The following ZNF268 variants were observed in gnomAD, a reference collection of about 807,000 sequenced individuals.
ZNF268 encodes the protein zinc finger protein 268.
In ZNF268, 20 loss-of-function variants were observed where a neutral mutation model predicts 29.3. The ratio of observed to expected loss-of-function variants is 0.68; its 90% confidence interval spans 0.48 to 0.99. The LOEUF is 0.99. ZNF268 is among the 50% of genes least tolerant of loss of function. The probability of loss-of-function intolerance (pLI) is 0.00; values close to 1 mark genes in which losing one functional copy is unlikely to be tolerated. For synonymous variants in ZNF268, 429 were observed against 376.9 expected (o/e 1.14, Z -1.60); for missense variants, 1,240 against 1,121.6 (o/e 1.11, Z -1.51).
At position 133,206,724 on chromosome 12, in the gene ZNF268, A is replaced by T. The variant is rs1328718887; in HGVS notation, c.*2194A>T. 6.6e-6 allele frequency: 1 copy of T among 152,230 alleles called. No individual in the cohort carries two copies. Among genetic ancestry groups the T allele is most frequent in the Non-Finnish European group, 1.5e-5 (1 of 68,040 alleles). The allele number at this position is 152,230 out of a possible 1,614,324, so 9.4% of individuals were successfully genotyped here. ...TGATACCTGAATGCCTAACTGTTGT[A>T]TTCTGCTTATACAGAATCCAATCTC... On this transcript the variant is annotated 3_prime_UTR_variant, in exon 6 of 6. Transcript: ENST00000536435.
chr12:133,191,420 C>G, intron 3 of ZNF268, 69 bp from the exon 4 acceptor site: 1 of 1,592,000 alleles, frequency 6.3e-7, no homozygotes, highest in Non-Finnish European at 8.6e-7. Context: ...ATAATGGACA[C>G]CCTAAACAGC....
Position 133,204,374 on chromosome 12 carries a change from A to T in ZNF268, c.2688A>T (p.Glu896Asp), listed in dbSNP as rs771733109. Reference sequence around the variant, plus strand: ...GAGAGAAACCCTATGGGTGCAATGAATGTGGGAAAACCTTCTCTCAAAAAT... The same window carrying T: ...GAGAGAAACCCTATGGGTGCAATGATTGTGGGAAAACCTTCTCTCAAAAAT... ...HSGEKPYGCNECGKTFSQKSI... is the reference protein window; with the variant it reads ...HSGEKPYGCNDCGKTFSQKSI... Residue 896 changes from glutamate (E) to aspartate (D), a missense_variant, in exon 6 of 6, where the codon GAA becomes GAT. Transcript: ENST00000536435. The T allele has an allele frequency of 6.4e-7, 1 of 1,571,828 alleles. No individual in the cohort carries two copies. The highest frequency in any genetic ancestry group is 2.3e-5 in the East Asian group (1 of 43,188).
intron 5 of ZNF268, among the ~76,000 whole-genome samples, chr12:133,194,535 G>T (rs1380267416): frequency 6.6e-6 from 1 of 152,142 alleles, no homozygotes; most frequent in Non-Finnish European, 1.5e-5. Flanking sequence ...ACACGAGTCT[G>T]TCAGACAGGA....
rs1443228969 is a variant in ZNF268, at chr12:133,187,980, A to G, written c.142A>G (p.Thr48Ala). 1 of 1,598,836 alleles carries G rather than the reference A, an allele frequency of 6.3e-7. No homozygotes were observed. Among genetic ancestry groups the G allele is most frequent in the African/African-American group, 1.3e-5 (1 of 74,672 alleles). The change falls in exon 3 of 6, where the codon ACA becomes GCA. Residue 48 changes from threonine (T) to alanine (A), a missense_variant. Coordinates refer to ENST00000536435, the MANE Select transcript of ZNF268 (RefSeq NM_003415.3). ...GTPGLQPLPGTPRQKQKSRRI... is the reference protein window; with the variant it reads ...GTPGLQPLPGAPRQKQKSRRI... ...TCCTGGTCTGCAACCTCTCCCTGGA[A>G]CACCCAGGCAGAAGCAGAAGAGTCG...
At chr12:133,192,106 A>AT in intron 5 of ZNF268, 103 bp downstream of exon 5, 2 of 768,946 alleles carry the variant, frequency 2.6e-6, no homozygotes, top group South Asian at 5.2e-5. Flanking sequence ...ATTACCATGC[A>AT]CTTTTTTTTT....
At chr12:133,186,411 C>G (rs529724881) in intron 2 of ZNF268, among the ~76,000 whole-genome samples, 1 of 148,046 alleles carries the variant, frequency 6.8e-6, no homozygotes, top group African/African-American at 2.5e-5. Flanking sequence ...GAGATGGAGT[C>G]TCACTCTGTT....
rs4031 is a variant in ZNF268 at position 133,205,019 on chromosome 12, A to G, written c.*489A>G. On this transcript the variant is annotated 3_prime_UTR_variant, in exon 6 of 6. Transcript: ENST00000536435. ...ATATACCTTGGAGGGACCATGCTAT[A>G]AGGGAAAGTGTAAATCTAGAAATGA... 99,249 of 151,548 alleles carry G rather than the reference A, an allele frequency of 0.65. 32,952 individuals carry two copies. Among genetic ancestry groups the G allele is most frequent in the East Asian group, 0.91 (4,722 of 5,174 alleles). 9.4% of individuals were successfully genotyped at this position (151,548 alleles called of 1,614,324 possible).
At chr12:133,193,910 T>G (rs1038753350) in intron 5 of ZNF268, among the ~76,000 whole-genome samples, 8 of 152,196 alleles carry the variant, frequency 5.3e-5, no homozygotes, top group African/African-American at 1.9e-4. Flanking sequence ...CTTTCTTCTC[T>G]TTGTTTATCC....
rs545775265 is a variant in ZNF268, at chr12:133,212,065, G to C, written c.*7535G>C. Reference sequence around the variant, plus strand: ...CAAGAGCAAGCTCTGAGGCCATGCAGGACATGGATGAATCTGATAGGCATA... The same window carrying C: ...CAAGAGCAAGCTCTGAGGCCATGCACGACATGGATGAATCTGATAGGCATA... On this transcript the variant is annotated 3_prime_UTR_variant, in exon 6 of 6. Coordinates refer to ENST00000536435, the MANE Select transcript of ZNF268 (RefSeq NM_003415.3). 1 of 152,304 alleles carries C rather than the reference G, an allele frequency of 6.6e-6. No homozygotes were observed. Among genetic ancestry groups the C allele is most frequent in the African/African-American group, 2.4e-5 (1 of 41,564 alleles). The allele number at this position is 152,304 out of a possible 1,614,324, so 9.4% of individuals were successfully genotyped here.
chr12:133,181,991 C>G lies in ZNF268; in HGVS notation c.-7C>G. ...TTCCAGCGAGGCACACAAAACTGAC[C>G]GTAGGGATGGCCACCAGGGTCCGGA... On this transcript the variant is annotated 5_prime_UTR_variant, in exon 2 of 6. Transcript: ENST00000536435. 1 of 1,564,692 alleles carries G rather than the reference C, an allele frequency of 6.4e-7. No individual in the cohort carries two copies. Among genetic ancestry groups the G allele is most frequent in the Non-Finnish European group, 8.7e-7 (1 of 1,154,294 alleles).
Position 133,191,519 on chromosome 12 carries a change from G to A in ZNF268, c.265G>A (p.Asp89Asn). Reference protein sequence around the residue: ...GPLSFMDVFVDFTWEEWQLLD... With the variant: ...GPLSFMDVFVNFTWEEWQLLD... ...TTTGTCATTCATGGATGTGTTTGTG[G>A]ATTTTACCTGGGAGGAGTGGCAGCT... Residue 89 changes from aspartate to asparagine, a missense_variant, in exon 4 of 6, where the codon GAT becomes AAT. By Grantham distance (23) the Asp-to-Asn change is conservative. This residue lies in a region of ZNF268 where 1,177 missense variants were observed against 1,039.6 expected (regional missense o/e 1.13). Transcript: ENST00000536435. The A allele has an allele frequency of 6.2e-7, 1 of 1,614,020 alleles. No individual in the cohort carries two copies. Among genetic ancestry groups the A allele is most frequent in the Non-Finnish European group, 8.5e-7 (1 of 1,179,954 alleles).
intron 5 of ZNF268, among the ~76,000 whole-genome samples, chr12:133,194,778 C>T (rs933516335): frequency 6.6e-6 from 1 of 152,214 alleles, no homozygotes; most frequent in African/African-American, 2.4e-5. Flanking sequence ...TTACTGCCAG[C>T]CAGGAACAGG....
intron 5 of ZNF268, among the ~76,000 whole-genome samples, chr12:133,196,357 C>T (rs905140850): frequency 6.8e-6 from 1 of 146,744 alleles, no homozygotes; most frequent in African/African-American, 2.5e-5. Context: ...CTTTTAGTTA[C>T]TGGGTTTGGT....
chr12:133,203,516 A>G lies in ZNF268; in HGVS notation c.1830A>G (p.Lys610=). ...ACCAGAGAACTCATACAGGGGAGAAACCATTTGAATGTAGTGAGTGTCAGA... is the reference window on the plus strand; with the variant it reads ...ACCAGAGAACTCATACAGGGGAGAAGCCATTTGAATGTAGTGAGTGTCAGA... ...IIHQRTHTGE[K]PFECSECQKA... The change falls in exon 6 of 6, where the codon AAA becomes AAG. Residue 610 remains lysine (K), a synonymous_variant. Transcript: ENST00000536435. 6.5e-7 allele frequency: 1 copy of G among 1,546,662 alleles called. No homozygotes were observed. Among genetic ancestry groups the G allele is most frequent in the Admixed American group, 2.0e-5 (1 of 51,212 alleles).
In ZNF268 at chr12:133,203,575, A is replaced by G. The variant is rs749926907; in HGVS notation, c.1889A>G (p.His630Arg). Residue 630 changes from histidine to arginine, a missense_variant, in exon 6 of 6, where the codon CAT becomes CGT. By Grantham distance (29) the His-to-Arg change is conservative (BLOSUM62 0). Coordinates refer to ENST00000536435, the MANE Select transcript of ZNF268 (RefSeq NM_003415.3). ...AATACAAAGTCAAACCTGATTGTAC[A>G]TCAGAGAACTCATACAGGAGAGAAA... ...AFNTKSNLIVHQRTHTGEKPY... is the reference protein window; with the variant it reads ...AFNTKSNLIVRQRTHTGEKPY... 5 of 1,566,984 alleles carry G rather than the reference A, an allele frequency of 3.2e-6. No homozygotes were observed. Among genetic ancestry groups the G allele is most frequent in the Non-Finnish European group, 3.5e-6 (4 of 1,159,352 alleles).
At chr12:133,199,944 G>T (rs1157406398) in intron 5 of ZNF268, among the ~76,000 whole-genome samples, 3 of 152,052 alleles carry the variant, frequency 2.0e-5, no homozygotes. Context: ...CTTGCTAGCG[G>T]TCTATCAATT....
In ZNF268 at chr12:133,203,905, T is replaced by C. The variant is rs1211173364; in HGVS notation, c.2219T>C (p.Ile740Thr). Residue 740 changes from isoleucine (I) to threonine (T), a missense_variant, in exon 6 of 6, where the codon ATT becomes ACT. Ile to Thr is a moderately conservative substitution (Grantham distance 89). Around this residue, in one of 3 missense-constraint regions of ZNF268, gnomAD observed 1,177 missense variants for 1,039.6 expected, o/e 1.13. Transcript: ENST00000536435. Reference protein sequence around the residue: ...GKSFSFNSQLIVHQRIHTGEN... With the variant: ...GKSFSFNSQLTVHQRIHTGEN... ...TCCTTTAGTTTCAATTCACAACTCA[T>C]TGTGCATCAGAGAATTCACACAGGA... 2 of 1,583,772 alleles carry C rather than the reference T, an allele frequency of 1.3e-6. No individual in the cohort carries two copies. Among genetic ancestry groups the C allele is most frequent in the Non-Finnish European group, 1.7e-6 (2 of 1,167,600 alleles).
At chr12:133,201,889 C>G (rs1384331980) in intron 5 of ZNF268, among the ~76,000 whole-genome samples, 1 of 151,964 alleles carries the variant, frequency 6.6e-6, no homozygotes, top group Non-Finnish European at 1.5e-5. Context: ...GTTTACTATG[C>G]CTATCTTCAG....
At position 133,203,509 on chromosome 12, in the gene ZNF268, G is replaced by A. The variant is rs951482656; in HGVS notation, c.1823G>A (p.Gly608Glu). The change falls in exon 6 of 6, where the codon GGG (glycine) becomes GAG (glutamate). Residue 608 changes from glycine to glutamate, a missense_variant. Coordinates refer to ENST00000536435, the MANE Select transcript of ZNF268 (RefSeq NM_003415.3). Reference protein sequence around the residue: ...QLIIHQRTHTGEKPFECSECQ... With the variant: ...QLIIHQRTHTEEKPFECSECQ... ...ATTATACACCAGAGAACTCATACAG[G>A]GGAGAAACCATTTGAATGTAGTGAG... 1 of 1,545,460 alleles carries A rather than the reference G, an allele frequency of 6.5e-7. No homozygotes were observed. The highest frequency in any genetic ancestry group is 1.4e-5 in the African/African-American group (1 of 73,100).
Sources: gnomAD v4.1 joint callset for allele counts (sites outside exome capture counted in the v4.1 genomes callset) on GRCh38, gnomAD v4.1.1 for gene constraint, gnomAD v4.1.1 regional missense constraint, MANE v1.5 for transcripts, NCBI Gene and HGNC (gene_info 2026-07-23, HGNC 2026-07-21) for gene names.